The following GRID2 variants were observed in gnomAD, a reference collection of about 807,000 sequenced individuals.
GRID2 encodes the protein glutamate receptor ionotropic, delta-2.
A neutral mutation model predicts 114.8 loss-of-function variants in GRID2; 33 were observed. The ratio of observed to expected loss-of-function variants is 0.29; its 90% CI spans 0.22 to 0.38. The LOEUF is 0.38. GRID2 is among the 10% of genes least tolerant of loss of function. GRID2 has a pLI of 1.00. For synonymous variants in GRID2, 505 were observed against 449.9 expected (o/e 1.12, Z -1.55); for missense variants, 1,184 against 1,257.7 (o/e 0.94, Z 0.89).
chr4:93,572,438 G>A (rs1012145822), intron 13 of GRID2, among the ~76,000 whole-genome samples: 4 of 151,778 alleles, frequency 2.6e-5, no homozygotes, highest in Non-Finnish European at 5.9e-5. Flanking sequence ...TCTCTTTTTA[G>A]ACACATATAT....
chr4:93,740,558 G>A (rs966660745), intron 14 of GRID2, among the ~76,000 whole-genome samples: 1 of 152,174 alleles, frequency 6.6e-6, no homozygotes, highest in Non-Finnish European at 1.5e-5. Flanking sequence ...TGCTAACCAG[G>A]CTGCTGGAGT....
chr4:93,506,357 C>A (rs1055613791), intron 12 of GRID2, among the ~76,000 whole-genome samples: 2 of 152,244 alleles, frequency 1.3e-5, no homozygotes, highest in Middle Eastern at 3.4e-3. Context: ...ACAGGAGGAC[C>A]GTGTTCTGCC....
intron 2 of GRID2, among the ~76,000 whole-genome samples, chr4:92,972,493 C>T (rs1227990626): frequency 6.6e-6 from 1 of 152,020 alleles, no homozygotes; most frequent in Non-Finnish European, 1.5e-5. Context: ...GTGCTCTTTT[C>T]AGTAAAATAT....
chr4:93,676,988 G>A (rs1476956687), intron 14 of GRID2, among the ~76,000 whole-genome samples: 21 of 152,000 alleles, frequency 1.4e-4, no homozygotes, highest in Admixed American at 6.6e-4. Context: ...TGCCTCACTC[G>A]GGAAGCGCAA....
At chr4:92,487,260 TATAGAAGC>T (rs1274058586) in intron 1 of GRID2, among the ~76,000 whole-genome samples, 1 of 152,036 alleles carries the variant, frequency 6.6e-6, no homozygotes, top group African/African-American at 2.4e-5. Flanking sequence ...AGTTTCTTAA[TATAGAAGC>T]ATAGATATTA....
At chr4:93,199,825 A>T (rs952303191) in intron 4 of GRID2, among the ~76,000 whole-genome samples, 1 of 152,026 alleles carries the variant, frequency 6.6e-6, no homozygotes, top group Middle Eastern at 3.2e-3. Flanking sequence ...AACAAATAAT[A>T]CTCCAGTCTC....
At chr4:92,712,039 T>A (rs951639612) in intron 2 of GRID2, among the ~76,000 whole-genome samples, 2 of 152,214 alleles carry the variant, frequency 1.3e-5, no homozygotes, top group Non-Finnish European at 2.9e-5. Context: ...GTTATAGAAG[T>A]AACATTGAGA....
chr4:92,510,646 C>A (rs1426889789), intron 1 of GRID2, among the ~76,000 whole-genome samples: 4 of 151,594 alleles, frequency 2.6e-5, no homozygotes, highest in African/African-American at 4.8e-5. Context: ...CTCTAGTGTT[C>A]TATTGCACAG....
intron 2 of GRID2, among the ~76,000 whole-genome samples, chr4:92,793,559 A>C (rs1159380866): frequency 6.6e-6 from 1 of 151,876 alleles, no homozygotes; most frequent in Non-Finnish European, 1.5e-5. Flanking sequence ...AATTAAAAAA[A>C]AAAAGAAAAT....
At chr4:92,341,254 T>G (rs1045067047) in intron 1 of GRID2, among the ~76,000 whole-genome samples, 1 of 152,136 alleles carries the variant, frequency 6.6e-6, no homozygotes, top group African/African-American at 2.4e-5. Flanking sequence ...TTTTGCACCT[T>G]TATTACTTCT....
chr4:92,776,859 G>C (rs1399861633), intron 2 of GRID2, among the ~76,000 whole-genome samples: 1 of 151,944 alleles, frequency 6.6e-6, no homozygotes, highest in Non-Finnish European at 1.5e-5. Flanking sequence ...GTATGCCCCT[G>C]ATAAGAACTA....
At chr4:92,695,107 C>A (rs1221311826) in intron 2 of GRID2, among the ~76,000 whole-genome samples, 6 of 152,112 alleles carry the variant, frequency 3.9e-5, no homozygotes, top group African/African-American at 1.4e-4. Context: ...GCTGGGAATA[C>A]AGGTGCACAC....
At chr4:92,708,860 T>C (rs2149307493) in intron 2 of GRID2, among the ~76,000 whole-genome samples, 1 of 152,206 alleles carries the variant, frequency 6.6e-6, no homozygotes, top group Non-Finnish European at 1.5e-5. Flanking sequence ...GAGGTTGCAG[T>C]GAGCTGAGAT....
chr4:93,747,417 G>A (rs1353011072), intron 14 of GRID2, among the ~76,000 whole-genome samples: 1 of 152,070 alleles, frequency 6.6e-6, no homozygotes, highest in African/African-American at 2.4e-5. Context: ...TCTAACAAAT[G>A]CCAGTGTTCC....
chr4:92,602,885 T>C (rs1177224488), intron 2 of GRID2, among the ~76,000 whole-genome samples: 1 of 152,130 alleles, frequency 6.6e-6, no homozygotes, highest in Non-Finnish European at 1.5e-5. Flanking sequence ...TGTGCAAAAA[T>C]AACAAGCATT....
intron 14 of GRID2, among the ~76,000 whole-genome samples, chr4:93,629,381 A>C (rs893155695): frequency 4.6e-5 from 7 of 152,190 alleles, no homozygotes; most frequent in African/African-American, 1.7e-4. Flanking sequence ...GCCAGGAAAG[A>C]AGCAGGACCT....
chr4:93,386,316 A>G (rs1178429819), intron 8 of GRID2, among the ~76,000 whole-genome samples: 1 of 152,192 alleles, frequency 6.6e-6, no homozygotes, highest in Non-Finnish European at 1.5e-5. Flanking sequence ...AAATTAGCAT[A>G]ATTATAATCA....
chr4:93,072,004 A>C (rs1338690491), intron 2 of GRID2, among the ~76,000 whole-genome samples: 4 of 152,160 alleles, frequency 2.6e-5, no homozygotes, highest in Non-Finnish European at 4.4e-5. Flanking sequence ...AAAAAAAAGC[A>C]CTGGAAAACA....
At chr4:92,341,872 G>T (rs548091224) in intron 1 of GRID2, among the ~76,000 whole-genome samples, 1 of 148,270 alleles carries the variant, frequency 6.7e-6, no homozygotes, top group Non-Finnish European at 1.5e-5. Context: ...CTGAGATCGC[G>T]CCATTGCACT....
Sources: allele counts gnomAD v4.1 joint callset (sites outside exome capture counted in the v4.1 genomes callset), GRCh38; gene constraint gnomAD v4.1.1; transcripts MANE v1.5; gene names NCBI Gene and HGNC (gene_info 2026-07-23, HGNC 2026-07-21).